LIN52: variants seen among roughly 807,000 people sequenced by gnomAD.
The protein encoded by LIN52 is protein lin-52 homolog.
In LIN52, 4 loss-of-function variants were observed where a neutral mutation model predicts 18.5. That is an observed-to-expected ratio of 0.22 (90% CI 0.11 to 0.49). The LOEUF (loss-of-function observed/expected upper bound fraction) is 0.49, where lower values mean the gene tolerates loss of function less well. LIN52 is among the 20% of genes least tolerant of loss of function. The pLI is 0.97. For synonymous variants in LIN52, 34 were observed against 45.5 expected (o/e 0.75, Z 1.02); for missense variants, 102 against 139.5 (o/e 0.73, Z 1.35).
intron 5 of LIN52, among the ~76,000 whole-genome samples, chr14:74,116,830 GT>G (rs773924970): frequency 0.014 from 2,029 of 140,056 alleles, 20 homozygotes; most frequent in African/African-American, 0.044. Context: ...TACAGCAGGT[GT>G]TTTTTTTTTT....
At chr14:74,096,686 T>C (rs2060815822) in intron 3 of LIN52, among the ~76,000 whole-genome samples, 1 of 152,042 alleles carries the variant, frequency 6.6e-6, no homozygotes, top group Non-Finnish European at 1.5e-5. Context: ...GACAGAATCA[T>C]CAACATGCAG....
chr14:74,101,651 G>A (rs1375074584), intron 5 of LIN52, among the ~76,000 whole-genome samples: 2 of 151,634 alleles, frequency 1.3e-5, no homozygotes, highest in Non-Finnish European at 2.9e-5. Flanking sequence ...TAGTAGAGAC[G>A]GGGTTTCACC....
intron 5 of LIN52, among the ~76,000 whole-genome samples, chr14:74,103,771 A>G (rs1404680605): frequency 5.9e-5 from 4 of 67,464 alleles, no homozygotes; most frequent in Non-Finnish European, 8.3e-5. Flanking sequence ...TTTTTTTTTA[A>G]GAGACTGGGT....
In LIN52 at chr14:74,201,296, A is replaced by T. The variant is rs2078947887; in HGVS notation, c.*2319A>T. 6.6e-6 allele frequency: 1 copy of T among 152,126 alleles called. No homozygotes were observed. Among genetic ancestry groups the T allele is most frequent in the South Asian group, 2.1e-4 (1 of 4,826 alleles). 9.4% of individuals were successfully genotyped at this position (152,126 alleles called of 1,614,324 possible). On this transcript the variant is annotated 3_prime_UTR_variant, in exon 6 of 6. Coordinates refer to ENST00000555028, the MANE Select transcript of LIN52 (RefSeq NM_001024674.3). ...TATTTAAAGCACAGACCTCCCCAGA[A>T]AGTACAACTGTAATGATAAATAATC...
At position 74,165,513 on chromosome 14, in the gene LIN52, C is replaced by CT. The variant is rs71460962; in HGVS notation, c.284-33394dup. 1.4e-3 allele frequency among the ~76,000 whole-genome samples: 155 copies of CT among 110,208 alleles called. 3 individuals are homozygous for CT. The highest frequency in any genetic ancestry group is 2.0e-3 in the Admixed American group (21 of 10,442). The allele number at this position is 110,208 out of a possible 152,430, so 72.3% of individuals were successfully genotyped here. ...AATGGAGAATTACAGGTTTTCTTTT[C>CT]TTTTTTTTTTTTTTTGAGACAGAGT... On this transcript the variant is annotated intron_variant, in intron 5 of 5. Transcript: ENST00000555028.
intron 5 of LIN52, among the ~76,000 whole-genome samples, chr14:74,175,020 A>ATATAATAATAATAATAAT (rs71460963): frequency 7.1e-6 from 1 of 140,946 alleles, no homozygotes; most frequent in East Asian, 2.1e-4. Flanking sequence ...GACTCAAAGA[A>ATATAATAATAATAATAAT]AATAATAATA....
intron 5 of LIN52, among the ~76,000 whole-genome samples, chr14:74,136,006 T>TA (rs1458249343): frequency 2.6e-5 from 4 of 152,232 alleles, no homozygotes; most frequent in Non-Finnish European, 4.4e-5. Flanking sequence ...CAGTCCATGC[T>TA]AATGGTATTC....
chr14:74,132,983 G>A (rs1036619278), intron 5 of LIN52, among the ~76,000 whole-genome samples: 5 of 151,546 alleles, frequency 3.3e-5, no homozygotes, highest in Admixed American at 6.6e-5. Flanking sequence ...GAGCAAAATC[G>A]AAACCATGTC....
At chr14:74,159,367 A>C (rs890251782) in intron 5 of LIN52, among the ~76,000 whole-genome samples, 1 of 152,166 alleles carries the variant, frequency 6.6e-6, no homozygotes, top group Non-Finnish European at 1.5e-5. Context: ...CATAACCTTC[A>C]TTCAGCAAAA....
chr14:74,119,085 C>T (rs534320222), intron 5 of LIN52, among the ~76,000 whole-genome samples: 1 of 151,716 alleles, frequency 6.6e-6, no homozygotes, highest in South Asian at 2.1e-4. Flanking sequence ...GGACTATTTC[C>T]AGCTTTTGGT....
chr14:74,133,957 T>G (rs930417755), intron 5 of LIN52, among the ~76,000 whole-genome samples: 1 of 152,176 alleles, frequency 6.6e-6, no homozygotes, highest in Non-Finnish European at 1.5e-5. Context: ...ATTTTTAACA[T>G]GTAGTTAAGA....
At chr14:74,103,896 CTTT>C (rs754478392) in intron 5 of LIN52, among the ~76,000 whole-genome samples, 2 of 138,938 alleles carry the variant, frequency 1.4e-5, no homozygotes, top group Non-Finnish European at 1.6e-5. Context: ...CTTTTTCTTT[CTTT>C]TTTTTTTTTT....
chr14:74,167,385 A>G (rs1270781710), intron 5 of LIN52, among the ~76,000 whole-genome samples: 4 of 152,172 alleles, frequency 2.6e-5, no homozygotes, highest in Admixed American at 1.3e-4. Context: ...CCTAGCATCA[A>G]GGAAGATATA....
chr14:74,096,524 ATACC>A (rs1341525650), intron 3 of LIN52, among the ~76,000 whole-genome samples: 1 of 151,982 alleles, frequency 6.6e-6, no homozygotes, highest in Non-Finnish European at 1.5e-5. Context: ...TGTGAAAAAA[ATACC>A]TACTTTATAG....
chr14:74,091,778 A>G (rs1436660997), intron 2 of LIN52, among the ~76,000 whole-genome samples: 1 of 149,792 alleles, frequency 6.7e-6, no homozygotes, highest in Non-Finnish European at 1.5e-5. Flanking sequence ...TGTCTCAAAA[A>G]AAAAAAAAAA....
chr14:74,112,760 G>A (rs2060937721), intron 5 of LIN52, among the ~76,000 whole-genome samples: 1 of 152,168 alleles, frequency 6.6e-6, no homozygotes. Flanking sequence ...TTCATACAAG[G>A]CTATGTAGGG....
chr14:74,116,481 G>A (rs1203217181), intron 5 of LIN52, among the ~76,000 whole-genome samples: 2 of 151,670 alleles, frequency 1.3e-5, no homozygotes, highest in Non-Finnish European at 2.9e-5. Context: ...TGAGGTAGGC[G>A]GATCATTTGA....
chr14:74,191,722 C>T (rs2078877718), intron 5 of LIN52, among the ~76,000 whole-genome samples: 1 of 151,828 alleles, frequency 6.6e-6, no homozygotes, highest in South Asian at 2.1e-4. Flanking sequence ...CAAGCTCCGC[C>T]TCCCGGGTTC....
intron 5 of LIN52, among the ~76,000 whole-genome samples, chr14:74,183,343 C>T (rs1267332160): frequency 6.6e-6 from 1 of 152,140 alleles, no homozygotes; most frequent in Non-Finnish European, 1.5e-5. Context: ...TCGTGATCTG[C>T]CTGCCTCGGC....
Sources: gnomAD v4.1 joint callset for allele counts (sites outside exome capture counted in the v4.1 genomes callset) on GRCh38, gnomAD v4.1.1 for gene constraint, MANE v1.5 for transcripts, NCBI Gene and HGNC (gene_info 2026-07-23, HGNC 2026-07-21) for gene names.